The following ARFIP1 variants were observed in gnomAD, a reference collection of about 807,000 sequenced individuals.
ARFIP1 encodes the protein ARF interacting protein 1.
In ARFIP1, 24 loss-of-function variants were observed where a neutral mutation model predicts 42.5. The observed-to-expected ratio is 0.57, with a 90% confidence interval of 0.41 to 0.80. The LOEUF (loss-of-function observed/expected upper bound fraction) is 0.80, where lower values mean the gene tolerates loss of function less well. Among genes scored for constraint, ARFIP1 ranks in the 30% least tolerant of loss-of-function variants. ARFIP1 has a pLI of 0.00. For synonymous variants in ARFIP1, 141 were observed against 153.7 expected, an observed-to-expected ratio of 0.92 and a Z score of 0.61; for missense variants, 354 against 434.0, an observed-to-expected ratio of 0.82 and a Z score of 1.64.
rs755465348 is a variant in ARFIP1 at position 152,870,778 on chromosome 4, T to C, written c.228T>C (p.Ser76=). The change falls in exon 4 of 9, where the codon TCT becomes TCC. Residue 76 remains serine (S), a synonymous_variant. Coordinates refer to ENST00000353617, the MANE Select transcript of ARFIP1 (RefSeq NM_001025595.3). Reference sequence around the variant, plus strand: ...GTTCCCCAGCACCGCCACTGCCATCTGTTATGTCTCCTAGCAGGGTTGCAG... The same window carrying C: ...GTTCCCCAGCACCGCCACTGCCATCCGTTATGTCTCCTAGCAGGGTTGCAG... The part of the protein sequence containing the change: ...FQGSPAPPLP[S]VMSPSRVAAS... The C allele has an allele frequency of 6.2e-7, 1 of 1,614,132 alleles. No homozygotes were observed. Among genetic ancestry groups the C allele is most frequent in the Non-Finnish European group, 8.5e-7 (1 of 1,179,982 alleles).
intron 1 of ARFIP1, among the ~76,000 whole-genome samples, chr4:152,789,941 G>A (rs925752666): frequency 6.6e-6 from 1 of 152,128 alleles, no homozygotes; most frequent in African/African-American, 2.4e-5. Context: ...TTTCTCCAAG[G>A]AGCACTGATT....
In ARFIP1 at chr4:152,796,541, T is replaced by C. The variant is rs549423565; in HGVS notation, c.-10+16315T>C. 4.9e-5 allele frequency: 38 copies of C among 777,760 alleles called. No homozygotes were observed. In the East Asian group the frequency reaches 6.3e-4, roughly 13 times the overall value. 48.2% of individuals were successfully genotyped at this position (777,760 alleles called of 1,614,324 possible). The stretch of plus-strand genomic sequence containing the variant: ...TCTGTTTAATCATATTGGAAAGTAC[T>C]TTAGCTCGAGATTGTCTCTCTGTCC... On this transcript the variant is annotated intron_variant, in intron 1 of 8. Transcript: ENST00000353617.
chr4:152,814,653 G>A (rs1177726058), intron 1 of ARFIP1, among the ~76,000 whole-genome samples: 2 of 152,186 alleles, frequency 1.3e-5, no homozygotes, highest in Non-Finnish European at 2.9e-5. Flanking sequence ...TCACCCTATT[G>A]CACTGCTAGC....
At chr4:152,842,292 A>G (rs1448754536) in intron 2 of ARFIP1, among the ~76,000 whole-genome samples, 2 of 150,130 alleles carry the variant, frequency 1.3e-5, no homozygotes, top group African/African-American at 2.5e-5. Flanking sequence ...CTCCCTTTGT[A>G]TGGGAGCTCT....
chr4:152,904,251 C>T (rs996335295), intron 8 of ARFIP1, among the ~76,000 whole-genome samples: 12 of 148,406 alleles, frequency 8.1e-5, no homozygotes, highest in African/African-American at 3.0e-4. Context: ...AGTGCAGTGG[C>T]GCAATATCGG....
chr4:152,897,518 C>T (rs1211547464), intron 8 of ARFIP1, among the ~76,000 whole-genome samples: 1 of 152,170 alleles, frequency 6.6e-6, no homozygotes, highest in Non-Finnish European at 1.5e-5. Flanking sequence ...AAGCTATCAA[C>T]TTACTATAGA....
chr4:152,840,863 G>T (rs528641886), intron 2 of ARFIP1, among the ~76,000 whole-genome samples: 91 of 139,758 alleles, frequency 6.5e-4, no homozygotes, highest in African/African-American at 2.4e-3. Context: ...GGATTACAAG[G>T]CACCCACCAC....
chr4:152,893,913 T>A (rs1737081964), intron 8 of ARFIP1, among the ~76,000 whole-genome samples: 1 of 152,110 alleles, frequency 6.6e-6, no homozygotes, highest in African/African-American at 2.4e-5. Flanking sequence ...TACAGTAACA[T>A]TCCTGTATAT....
intron 8 of ARFIP1, among the ~76,000 whole-genome samples, chr4:152,898,045 G>A (rs900137056): frequency 8.9e-5 from 13 of 146,254 alleles, no homozygotes; most frequent in East Asian, 2.0e-4. Context: ...GTGCAGTGGC[G>A]CAATCTCGGC....
chr4:152,791,585 C>T (rs1731148286), intron 1 of ARFIP1, among the ~76,000 whole-genome samples: 1 of 152,026 alleles, frequency 6.6e-6, no homozygotes, highest in African/African-American at 2.4e-5. Context: ...CAGTAGGTTT[C>T]TGGATTTTGT....
intron 2 of ARFIP1, among the ~76,000 whole-genome samples, chr4:152,835,118 T>C (rs546638355): frequency 4.7e-4 from 72 of 152,326 alleles, no homozygotes; most frequent in Non-Finnish European, 7.8e-4. Flanking sequence ...TGTTAGCACA[T>C]GGCTCCCCTT....
intron 2 of ARFIP1, among the ~76,000 whole-genome samples, chr4:152,852,028 C>T (rs56284212): frequency 0.043 from 6,507 of 152,232 alleles, 175 homozygotes; most frequent in South Asian, 0.11. Flanking sequence ...TTTGTTTTAG[C>T]TTAATTGTTT....
chr4:152,793,426 C>A (rs1332918607), intron 1 of ARFIP1, among the ~76,000 whole-genome samples: 1 of 150,870 alleles, frequency 6.6e-6, no homozygotes, highest in Non-Finnish European at 1.5e-5. Flanking sequence ...GTTATTTGGT[C>A]TTTTCCAGAG....
At chr4:152,862,272 T>C (rs1733956127) in intron 2 of ARFIP1, among the ~76,000 whole-genome samples, 1 of 152,182 alleles carries the variant, frequency 6.6e-6, no homozygotes, top group South Asian at 2.1e-4. Flanking sequence ...ATCATCCATG[T>C]TGGTCACTGA....
chr4:152,809,376 T>TTG (rs77587797), intron 1 of ARFIP1, among the ~76,000 whole-genome samples: 6,597 of 152,252 alleles, frequency 0.043, 175 homozygotes, highest in South Asian at 0.11. Flanking sequence ...ACTAAAGAAA[T>TTG]TGATATATAC....
chr4:152,812,608 G>C (rs752997714), intron 1 of ARFIP1, among the ~76,000 whole-genome samples: 11 of 152,134 alleles, frequency 7.2e-5, no homozygotes, highest in Non-Finnish European at 1.6e-4. Context: ...TTTCAGCCTG[G>C]AGCTCTAGAC....
intron 2 of ARFIP1, among the ~76,000 whole-genome samples, chr4:152,833,930 A>G (rs900885566): frequency 7.3e-5 from 10 of 137,614 alleles, no homozygotes; most frequent in Non-Finnish European, 1.4e-4. Context: ...ATTTATAAAG[A>G]AGAATTTTGT....
At chr4:152,879,668 G>A (rs1159330602) in intron 5 of ARFIP1, among the ~76,000 whole-genome samples, 1 of 152,052 alleles carries the variant, frequency 6.6e-6, no homozygotes, top group African/African-American at 2.4e-5. Flanking sequence ...TGACCAACAT[G>A]GAGAAACCCC....
intron 5 of ARFIP1, among the ~76,000 whole-genome samples, chr4:152,874,655 T>C (rs1735173285): frequency 6.6e-6 from 1 of 152,138 alleles, no homozygotes; most frequent in Non-Finnish European, 1.5e-5. Context: ...GTGCTTGTTA[T>C]CCATTTACTG....
Sources: gnomAD v4.1 joint callset for allele counts (sites outside exome capture counted in the v4.1 genomes callset) on GRCh38, gnomAD v4.1.1 for gene constraint, MANE v1.5 for transcripts, NCBI Gene and HGNC (gene_info 2026-07-23, HGNC 2026-07-21) for gene names.